LRRC69: variants seen among roughly 807,000 people sequenced by gnomAD.
LRRC69 encodes the protein leucine rich repeat containing 69.
LRRC69 carries 42 observed loss-of-function variants against 37.8 expected under a neutral mutation model. That is an observed-to-expected ratio of 1.11 (90% CI 0.87 to 1.44). The LOEUF is 1.44. LRRC69 is among the 40% of genes most tolerant of loss of function. The pLI is 0.00. For missense variants in LRRC69, 357 were observed against 401.9 expected (o/e 0.89, Z 0.96); for synonymous variants, 141 against 143.1 (o/e 0.99, Z 0.11).
chr8:91,202,632 C>A lies in LRRC69; in HGVS notation c.933+1840C>A, dbSNP rs529324093. On this transcript the variant is annotated intron_variant, in intron 7 of 7. Transcript: ENST00000448384. ...GGAAATCACTTTTTGATTCGAGGAA[C>A]TGAAAAATGGTTCAGTGTGATTAGA... Among the ~76,000 whole-genome samples, 4 of 152,210 alleles carry A rather than the reference C, an allele frequency of 2.6e-5. No homozygotes were observed. In the East Asian group the frequency reaches 7.7e-4, roughly 29 times the overall value.
At chr8:91,200,591 T>G (rs1809694338) in intron 6 of LRRC69, 22 bp from the exon 7 acceptor site, 3 of 1,380,330 alleles carry the variant, frequency 2.2e-6, no homozygotes, top group Non-Finnish European at 2.9e-6. Flanking sequence ...TCTGAGGAAC[T>G]GTATTTTTTT....
intron 1 of LRRC69, among the ~76,000 whole-genome samples, chr8:91,111,111 A>G (rs1813402915): frequency 6.6e-6 from 1 of 152,078 alleles, no homozygotes; most frequent in South Asian, 2.1e-4. Context: ...GTCATTGGAA[A>G]GTTTCCTATT....
chr8:91,209,898 TC>T (rs1486814900), intron 7 of LRRC69, among the ~76,000 whole-genome samples: 3 of 152,220 alleles, frequency 2.0e-5, no homozygotes, highest in Non-Finnish European at 2.9e-5. Flanking sequence ...CATATTTTTT[TC>T]TTTCAACATC....
chr8:91,204,745 C>G (rs1459313789), intron 7 of LRRC69, among the ~76,000 whole-genome samples: 1 of 152,216 alleles, frequency 6.6e-6, no homozygotes, highest in East Asian at 1.9e-4. Flanking sequence ...GCTTACATTT[C>G]TAACTCCTGG....
intron 5 of LRRC69, 136 bp downstream of exon 5, chr8:91,135,875 T>C: frequency 2.1e-6 from 1 of 482,204 alleles, no homozygotes; most frequent in East Asian, 3.7e-5. Context: ...AGATTTGCTT[T>C]TAGAATTTCA....
At chr8:91,154,238 A>C (rs1397630912) in intron 5 of LRRC69, among the ~76,000 whole-genome samples, 4 of 150,360 alleles carry the variant, frequency 2.7e-5, no homozygotes, top group Admixed American at 6.7e-5. Context: ...CTACCAACCA[A>C]AGAAAAAAAA....
In LRRC69 at chr8:91,167,705, C is replaced by G. The variant is rs1809054079; in HGVS notation, c.652-21817C>G. Among the ~76,000 whole-genome samples, 3 of 152,044 alleles carry G rather than the reference C, an allele frequency of 2.0e-5. No individual in the cohort carries two copies. In the South Asian group the frequency reaches 6.2e-4, roughly 31 times the overall value. ...CCCACCATGGCCTGTTTCAAGCTACCAATATAATGTCACTAAAAGCCATGT... is the reference window on the plus strand; with the variant it reads ...CCCACCATGGCCTGTTTCAAGCTACGAATATAATGTCACTAAAAGCCATGT... On this transcript the variant is annotated intron_variant, in intron 5 of 7. Coordinates refer to ENST00000448384, the Ensembl canonical transcript of LRRC69.
At chr8:91,145,748 T>C (rs971596601) in intron 5 of LRRC69, among the ~76,000 whole-genome samples, 3 of 151,896 alleles carry the variant, frequency 2.0e-5, no homozygotes, top group Non-Finnish European at 4.4e-5. Context: ...GACTAAATGC[T>C]TTCCCTGTCA....
chr8:91,149,552 C>T (rs1407841941), intron 5 of LRRC69, among the ~76,000 whole-genome samples: 4 of 151,678 alleles, frequency 2.6e-5, no homozygotes, highest in East Asian at 1.9e-4. Context: ...GGTTTTGGAT[C>T]GACTTGGCAC....
chr8:91,197,063 C>G (rs554404727), intron 6 of LRRC69, among the ~76,000 whole-genome samples: 2 of 151,950 alleles, frequency 1.3e-5, no homozygotes, highest in East Asian at 3.9e-4. Flanking sequence ...TTCTAACAGA[C>G]AGGACCCTCA....
At chr8:91,195,923 C>T (rs1239273035) in intron 6 of LRRC69, among the ~76,000 whole-genome samples, 1 of 152,172 alleles carries the variant, frequency 6.6e-6, no homozygotes, top group Non-Finnish European at 1.5e-5. Flanking sequence ...TTAGTTGATG[C>T]AGTTTCTTCC....
intron 5 of LRRC69, among the ~76,000 whole-genome samples, chr8:91,155,429 G>A (rs1302964063): frequency 6.6e-6 from 1 of 150,798 alleles, no homozygotes; most frequent in African/African-American, 2.4e-5. Flanking sequence ...TTGAATCAGA[G>A]TAATTAGCAT....
chr8:91,144,764 A>G (rs1469462139), intron 5 of LRRC69, among the ~76,000 whole-genome samples: 1 of 152,036 alleles, frequency 6.6e-6, no homozygotes, highest in Non-Finnish European at 1.5e-5. Context: ...CTAGCATGGT[A>G]CATACCCTGG....
intron 5 of LRRC69, among the ~76,000 whole-genome samples, chr8:91,148,223 A>C (rs1264907441): frequency 4.7e-5 from 7 of 149,476 alleles, no homozygotes; most frequent in East Asian, 2.0e-4. Flanking sequence ...CTAATGCTAT[A>C]CCTCCCCGCT....
chr8:91,202,828 A>G (rs1228428121), intron 7 of LRRC69, among the ~76,000 whole-genome samples: 1 of 152,200 alleles, frequency 6.6e-6, no homozygotes, highest in Non-Finnish European at 1.5e-5. Flanking sequence ...TAACATCTGC[A>G]TAGAGAATGA....
intron 5 of LRRC69, among the ~76,000 whole-genome samples, chr8:91,189,187 G>A (rs959645552): frequency 1.3e-5 from 2 of 152,082 alleles, no homozygotes; most frequent in Non-Finnish European, 2.9e-5. Context: ...TTTGCAAAAT[G>A]TTCCCAACAC....
chr8:91,185,484 C>T (rs1033791114), intron 5 of LRRC69, among the ~76,000 whole-genome samples: 3 of 152,166 alleles, frequency 2.0e-5, no homozygotes, highest in African/African-American at 7.2e-5. Context: ...AAGTATTCAG[C>T]AGATACTGAA....
At chr8:91,217,414 T>A (rs181846025) in intron 7 of LRRC69, among the ~76,000 whole-genome samples, 1 of 152,314 alleles carries the variant, frequency 6.6e-6, no homozygotes, top group Admixed American at 6.5e-5. Context: ...GGCTTTGTTT[T>A]CCAGTGGCTG....
chr8:91,203,946 C>T (rs536108145), intron 7 of LRRC69, among the ~76,000 whole-genome samples: 4 of 151,096 alleles, frequency 2.6e-5, no homozygotes, highest in Admixed American at 6.6e-5. Context: ...AGTGAAACCC[C>T]GTCTCTACTA....
Sources: allele counts gnomAD v4.1 joint callset (sites outside exome capture counted in the v4.1 genomes callset), GRCh38; gene constraint gnomAD v4.1.1; transcripts MANE v1.5; gene names NCBI Gene and HGNC (gene_info 2026-07-23, HGNC 2026-07-21).